TM4SF5: variants seen among roughly 807,000 people sequenced by gnomAD.
TM4SF5 encodes transmembrane 4 L6 family member 5.
In TM4SF5, 16 loss-of-function variants were observed where a neutral mutation model predicts 22.3. The observed-to-expected ratio is 0.72, with a 90% CI of 0.49 to 1.09. The LOEUF is 1.09. Ranked by LOEUF, TM4SF5 falls within the 50% of genes least tolerant of loss-of-function variation. The probability of loss-of-function intolerance (pLI) is 0.00; values close to 1 mark genes in which losing one functional copy is unlikely to be tolerated. For missense variants in TM4SF5, 249 were observed against 266.1 expected (o/e 0.94, Z 0.45); for synonymous variants, 113 against 109.6 (o/e 1.03, Z -0.19).
intron 1 of TM4SF5, among the ~76,000 whole-genome samples, chr17:4,772,435 G>T (rs1199197530): frequency 6.6e-6 from 1 of 152,190 alleles, no homozygotes; most frequent in Admixed American, 6.5e-5. Flanking sequence ...GCAGCTGGTT[G>T]TCAGAGACGT....
rs1222977091 is a variant in TM4SF5 at position 4,782,740 on chromosome 17, A to G, written c.395+101A>G. On this transcript the variant is annotated intron_variant, in intron 3 of 4. Transcript: ENST00000270560. ...CTGGGCGGGACTCGACTTCGAGGGC[A>G]CTCGCTCCACGTGGGCTACCTGGGC... 2.5e-6 allele frequency: 4 copies of G among 1,574,564 alleles called. No individual in the cohort carries two copies. The East Asian group carries it at 9.0e-5, about 35-fold the overall frequency.
At position 4,782,860 on chromosome 17, in the gene TM4SF5, T is replaced by G. The variant is rs1282497204; in HGVS notation, c.402T>G (p.Ala134=). The change falls in exon 4 of 5, where the codon GCT becomes GCG. Residue 134 remains alanine (A), a synonymous_variant. Transcript: ENST00000270560. ...WGYHFEDTAG[A]YLLNRTLWDR... ...GGCCTCACCCCTCCCACAGGGGAGC[T>G]TACTTGCTCAACCGCACTCTATGGG... 9 of 1,612,104 alleles carry G rather than the reference T, an allele frequency of 5.6e-6. No homozygotes were observed. The African/African-American group carries it at 1.2e-4, about 22-fold the overall frequency.
intron 1 of TM4SF5, among the ~76,000 whole-genome samples, chr17:4,772,798 C>T (rs1182209779): frequency 1.3e-5 from 2 of 151,618 alleles, no homozygotes; most frequent in African/African-American, 4.8e-5. Flanking sequence ...TCACTGTAGC[C>T]CCAACCTCCT....
Position 4,783,146 on chromosome 17 carries a change from G to C in TM4SF5, c.*18G>C. The stretch of plus-strand genomic sequence containing the variant: ...CTCACTGAGGCTCCACTGACCGCCG[G>C]GTTACACCTGCTCCTTCCTGGACGC... On this transcript the variant is annotated 3_prime_UTR_variant, in exon 5 of 5. Coordinates refer to ENST00000270560, the MANE Select transcript of TM4SF5 (RefSeq NM_003963.3). 1 of 1,610,184 alleles carries C rather than the reference G, an allele frequency of 6.2e-7. No individual in the cohort carries two copies. Among genetic ancestry groups the C allele is most frequent in the Non-Finnish European group, 8.5e-7 (1 of 1,178,572 alleles).
At chr17:4,781,690 T>C (rs180931539) in intron 2 of TM4SF5, among the ~76,000 whole-genome samples, 6 of 151,980 alleles carry the variant, frequency 3.9e-5, no homozygotes, top group East Asian at 2.0e-4. Context: ...CTAATTTTTA[T>C]ATTTTTAGTA....
intron 1 of TM4SF5, among the ~76,000 whole-genome samples, chr17:4,779,055 CAAAA>C (rs1297196059): frequency 1.8e-5 from 1 of 54,750 alleles, no homozygotes; most frequent in Non-Finnish European, 4.0e-5. Flanking sequence ...GACTCCGTCT[CAAAA>C]AAAAAAAAAA....
intron 1 of TM4SF5, among the ~76,000 whole-genome samples, chr17:4,775,396 C>A (rs1397357199): frequency 6.6e-6 from 1 of 150,750 alleles, no homozygotes; most frequent in East Asian, 2.0e-4. Flanking sequence ...GTAGCTGGGA[C>A]TACAGGCGCC....
At chr17:4,774,164 A>T (rs1181817149) in intron 1 of TM4SF5, among the ~76,000 whole-genome samples, 1 of 152,198 alleles carries the variant, frequency 6.6e-6, no homozygotes, top group Non-Finnish European at 1.5e-5. Flanking sequence ...GTGAGGCGAG[A>T]TTGCGCCATT....
chr17:4,776,319 T>G (rs1917204623), intron 1 of TM4SF5, among the ~76,000 whole-genome samples: 1 of 152,018 alleles, frequency 6.6e-6, no homozygotes, highest in Non-Finnish European at 1.5e-5. Context: ...TTGTTTTTTT[T>G]GAAACAGAGT....
intron 1 of TM4SF5, among the ~76,000 whole-genome samples, chr17:4,774,651 T>G (rs181227749): frequency 2.0e-5 from 3 of 152,332 alleles, no homozygotes; most frequent in East Asian, 3.9e-4. Flanking sequence ...CTCATGCCTG[T>G]AATCCCAGCA....
intron 1 of TM4SF5, among the ~76,000 whole-genome samples, chr17:4,773,981 C>T (rs1427474421): frequency 2.6e-5 from 4 of 152,136 alleles, no homozygotes; most frequent in Non-Finnish European, 4.4e-5. Context: ...TTTGGGAGGC[C>T]GAGGCGGGCC....
At chr17:4,777,566 C>T (rs1428113888) in intron 1 of TM4SF5, among the ~76,000 whole-genome samples, 2 of 151,006 alleles carry the variant, frequency 1.3e-5, no homozygotes, top group Non-Finnish European at 3.0e-5. Flanking sequence ...CATAGTGAGA[C>T]TCTATCTCAA....
intron 1 of TM4SF5, among the ~76,000 whole-genome samples, chr17:4,772,587 T>G (rs545220449): frequency 6.6e-6 from 1 of 152,272 alleles, no homozygotes; most frequent in East Asian, 1.9e-4. Context: ...GCCCAATCTG[T>G]GCGGACTGCT....
Position 4,771,997 on chromosome 17 carries a change from C to T in TM4SF5, c.75C>T (p.Asn25=), listed in dbSNP as rs751073487. Residue 25 remains asparagine (N), a synonymous_variant, in exon 1 of 5, where the codon AAC becomes AAT. Coordinates refer to ENST00000270560, the MANE Select transcript of TM4SF5 (RefSeq NM_003963.3). ...TCTGCCTCGTCTGCATTGTGGCCAA[C>T]GCCCTCCTGCTGGTACCTAATGGGG... ...ITLCLVCIVA[N]ALLLVPNGET... 71 of 1,614,072 alleles carry T rather than the reference C, an allele frequency of 4.4e-5. No homozygotes were observed. The highest frequency in any genetic ancestry group is 3.1e-4 in the South Asian group (28 of 91,094).
At chr17:4,782,085 T>C (rs543384613) in intron 2 of TM4SF5, among the ~76,000 whole-genome samples, 20 of 102,404 alleles carry the variant, frequency 2.0e-4, no homozygotes, top group African/African-American at 7.5e-4. Context: ...AGAGTCCGAA[T>C]TTCTAATTTT....
intron 1 of TM4SF5, among the ~76,000 whole-genome samples, chr17:4,778,646 AC>A (rs1917247579): frequency 6.6e-6 from 1 of 152,072 alleles, no homozygotes; most frequent in Admixed American, 6.6e-5. Flanking sequence ...AAGAAGCAAG[AC>A]AGCTGTGGAA....
chr17:4,782,959 C>T lies in TM4SF5; in HGVS notation c.501C>T (p.Cys167=). 1 of 1,614,246 alleles carries T rather than the reference C, an allele frequency of 6.2e-7. No homozygotes were observed. Among genetic ancestry groups the T allele is most frequent in the Non-Finnish European group, 8.5e-7 (1 of 1,180,046 alleles). ...TCTCGCTGCTGGTGGCCGCCTCCTG[C>T]CTGGAGATAGTACTGTGTGGGATCC... is the stretch of plus-strand genomic sequence containing the variant. ...TLFSLLVAAS[C]LEIVLCGIQL... Residue 167 remains cysteine, a synonymous_variant, in exon 4 of 5, where the codon TGC becomes TGT. Transcript: ENST00000270560.
chr17:4,772,430 TG>T (rs1917129015), intron 1 of TM4SF5, among the ~76,000 whole-genome samples: 1 of 152,144 alleles, frequency 6.6e-6, no homozygotes, highest in Non-Finnish European at 1.5e-5. Flanking sequence ...AAGGAGCAGC[TG>T]GTTGTCAGAG....
chr17:4,777,196 CAAA>C (rs57674866), intron 1 of TM4SF5, among the ~76,000 whole-genome samples: 3 of 101,322 alleles, frequency 3.0e-5, no homozygotes, highest in Admixed American at 1.0e-4. Context: ...GACTCCATCT[CAAA>C]AAAAAAAAAA....
Sources: gnomAD v4.1 joint callset for allele counts (sites outside exome capture counted in the v4.1 genomes callset) on GRCh38, gnomAD v4.1.1 for gene constraint, MANE v1.5 for transcripts, NCBI Gene and HGNC (gene_info 2026-07-23, HGNC 2026-07-21) for gene names.